The following STK32B variants were observed in gnomAD, a reference collection of about 807,000 sequenced individuals.
STK32B encodes the protein serine/threonine kinase 32B.
Under a neutral mutation model 52.6 loss-of-function variants are expected in STK32B, and 43 were observed. That is an observed-to-expected ratio of 0.82 (90% CI 0.64 to 1.05). The LOEUF is 1.05. Ranked by LOEUF, STK32B falls within the 50% of genes least tolerant of loss-of-function variation. STK32B has a pLI of 0.00. For missense variants in STK32B, 621 were observed against 534.6 expected (o/e 1.16, Z -1.59); for synonymous variants, 238 against 204.3 (o/e 1.17, Z -1.41).
Position 5,051,624 on chromosome 4 carries a change from G to C in STK32B, c.-240G>C, listed in dbSNP as rs1214996323. ...GTAAGGAGCTGCGAGCGCAGCCCGA[G>C]GCGGGGCACGGCGGAAGGCGCGGCG... On this transcript the variant is annotated 5_prime_UTR_variant, in exon 1 of 12. Transcript: ENST00000282908. 4 of 516,964 alleles carry C rather than the reference G, an allele frequency of 7.7e-6. No homozygotes were observed. In the East Asian group the frequency reaches 1.5e-4, roughly 19 times the overall value. 32.0% of individuals were successfully genotyped at this position (516,964 alleles called of 1,614,324 possible).
intron 6 of STK32B, among the ~76,000 whole-genome samples, chr4:5,422,260 C>G (rs1358365616): frequency 6.6e-6 from 1 of 152,214 alleles, no homozygotes; most frequent in African/African-American, 2.4e-5. Context: ...AGGGAGAGCT[C>G]TCTCAATAAA....
chr4:5,326,080 G>T (rs932573832), intron 3 of STK32B, among the ~76,000 whole-genome samples: 2 of 152,180 alleles, frequency 1.3e-5, no homozygotes, highest in Non-Finnish European at 1.5e-5. Flanking sequence ...ATTCATTCCA[G>T]TATGCAAGTT....
At chr4:5,471,175 C>T (rs530076579) in intron 11 of STK32B, among the ~76,000 whole-genome samples, 2 of 152,226 alleles carry the variant, frequency 1.3e-5, no homozygotes, top group African/African-American at 4.8e-5. Context: ...AGAGATACTG[C>T]ACCTGCTGCA....
chr4:5,275,433 C>T (rs913620910), intron 3 of STK32B, among the ~76,000 whole-genome samples: 2 of 152,120 alleles, frequency 1.3e-5, no homozygotes, highest in East Asian at 1.9e-4. Context: ...ATCTTTTTAT[C>T]GTGGTTCATG....
rs531170229 is a variant in STK32B, at chr4:5,482,294, T to C, written c.1106+14224T>C. Among the ~76,000 whole-genome samples, 13 of 152,294 alleles carry C rather than the reference T, an allele frequency of 8.5e-5. No homozygotes were observed. In the South Asian group the frequency reaches 2.1e-3, roughly 24 times the overall value. ...GGTTTGTAGTTCTTCTTGAAGAGGT[T>C]CTTCACATCCCTTGTAAGTTGGATT... On this transcript the variant is annotated intron_variant, in intron 11 of 11. Transcript: ENST00000282908.
chr4:5,442,391 T>C (rs1363858671), intron 6 of STK32B, among the ~76,000 whole-genome samples: 1 of 152,008 alleles, frequency 6.6e-6, no homozygotes, highest in East Asian at 1.9e-4. Context: ...TCTTTGTTGG[T>C]TTAAAGTCTG....
chr4:5,325,924 G>C (rs1487667303), intron 3 of STK32B, among the ~76,000 whole-genome samples: 1 of 152,226 alleles, frequency 6.6e-6, no homozygotes, highest in African/African-American at 2.4e-5. Context: ...AGGTCATTCT[G>C]TGTTCTCCAG....
At position 5,055,266 on chromosome 4, in the gene STK32B, T is replaced by G. The variant is rs967510939; in HGVS notation, c.52+3351T>G. On this transcript the variant is annotated intron_variant, in intron 1 of 11. Transcript: ENST00000282908. ...CATTATGCCTGGCTAATTTTTAATTTTTTTTTTTTTTTTTTAGAGTCAAGG... is the reference window on the plus strand; with the variant it reads ...CATTATGCCTGGCTAATTTTTAATTGTTTTTTTTTTTTTTTAGAGTCAAGG... 8.2e-5 allele frequency among the ~76,000 whole-genome samples: 12 copies of G among 146,546 alleles called. No individual in the cohort carries two copies. The East Asian group carries it at 2.4e-3, about 29-fold the overall frequency.
At chr4:5,272,217 G>A (rs1236619992) in intron 3 of STK32B, among the ~76,000 whole-genome samples, 1 of 138,864 alleles carries the variant, frequency 7.2e-6, no homozygotes, top group African/African-American at 3.1e-5. Flanking sequence ...AGCATGAAGG[G>A]TTGTTGAATT....
At chr4:5,279,252 G>T (rs1157591732) in intron 3 of STK32B, among the ~76,000 whole-genome samples, 2 of 152,188 alleles carry the variant, frequency 1.3e-5, no homozygotes, top group Admixed American at 6.5e-5. Flanking sequence ...TACAGTGGGG[G>T]TACAGGCATT....
intron 1 of STK32B, among the ~76,000 whole-genome samples, chr4:5,116,831 C>CAATG (rs142478044): frequency 0.033 from 4,981 of 152,234 alleles, 268 homozygotes; most frequent in African/African-American, 0.11. Flanking sequence ...CAATGACTTA[C>CAATG]ACAGTTCTCA....
chr4:5,315,031 A>G (rs914802785), intron 3 of STK32B, among the ~76,000 whole-genome samples: 6 of 152,268 alleles, frequency 3.9e-5, no homozygotes, highest in African/African-American at 1.4e-4. Flanking sequence ...AAGAGGATTA[A>G]AAGACAAGCT....
At chr4:5,360,266 G>A (rs544382409) in intron 4 of STK32B, among the ~76,000 whole-genome samples, 23 of 152,130 alleles carry the variant, frequency 1.5e-4, no homozygotes, top group Non-Finnish European at 2.9e-4. Context: ...GACAGAATTA[G>A]GGCACAACCA....
chr4:5,113,006 A>C (rs551240353), intron 1 of STK32B, among the ~76,000 whole-genome samples: 1 of 152,296 alleles, frequency 6.6e-6, no homozygotes, highest in East Asian at 1.9e-4. Flanking sequence ...TAACCAAAGA[A>C]GGAAAATGTA....
intron 3 of STK32B, among the ~76,000 whole-genome samples, chr4:5,264,124 C>G (rs1328031129): frequency 2.0e-5 from 3 of 152,128 alleles, no homozygotes; most frequent in South Asian, 2.1e-4. Context: ...TGTGAACATT[C>G]CTGTGTACGT....
intron 1 of STK32B, chr4:5,127,167 T>C (rs773747532): frequency 2.0e-6 from 1 of 490,896 alleles, no homozygotes. Flanking sequence ...TTTACTTATC[T>C]TTCCGTTAAA....
chr4:5,337,105 A>C (rs1732757941), intron 4 of STK32B, among the ~76,000 whole-genome samples: 1 of 151,660 alleles, frequency 6.6e-6, no homozygotes, highest in Non-Finnish European at 1.5e-5. Flanking sequence ...CAGCCTGCTA[A>C]GTAGCTGGGA....
the STK32B span, among the ~76,000 whole-genome samples, chr4:5,039,672 A>T: frequency 6.6e-6 from 1 of 152,214 alleles, no homozygotes; most frequent in African/African-American, 2.4e-5. Flanking sequence ...TATGTACTGT[A>T]TGTAATTCTA....
At chr4:5,382,034 C>A (rs1053450821) in intron 4 of STK32B, among the ~76,000 whole-genome samples, 3 of 152,166 alleles carry the variant, frequency 2.0e-5, no homozygotes, top group African/African-American at 4.8e-5. Flanking sequence ...TCTGCTGGCA[C>A]GATTCCCCCT....
Sources: allele counts gnomAD v4.1 joint callset (sites outside exome capture counted in the v4.1 genomes callset), GRCh38; gene constraint gnomAD v4.1.1; transcripts MANE v1.5; gene names NCBI Gene and HGNC (gene_info 2026-07-23, HGNC 2026-07-21).